The following ANO3 variants were observed in gnomAD, a reference collection of about 807,000 sequenced individuals.
ANO3 encodes anoctamin-3.
Under a neutral mutation model 144.8 loss-of-function variants are expected in ANO3, and 99 were observed. The ratio of observed to expected loss-of-function variants is 0.68; its 90% CI spans 0.58 to 0.81. The LOEUF (loss-of-function observed/expected upper bound fraction) is 0.81, where lower values mean the gene tolerates loss of function less well. Ranked by LOEUF, ANO3 falls within the 30% of genes least tolerant of loss-of-function variation. The probability of loss-of-function intolerance (pLI) is 0.00; values close to 1 mark genes in which losing one functional copy is unlikely to be tolerated. For synonymous variants in ANO3, 414 were observed against 392.6 expected (o/e 1.05, Z -0.64); for missense variants, 905 against 1,202.2 (o/e 0.75, Z 3.66).
chr11:26,328,847 G>T (rs1196351610), upstream of ANO3, among the ~76,000 whole-genome samples: 1 of 152,036 alleles, frequency 6.6e-6, no homozygotes, highest in Non-Finnish European at 1.5e-5. Context: ...GATAAAGTAT[G>T]AAAATGATAA....
At chr11:26,431,259 A>G (rs949620877) in intron 1 of ANO3, among the ~76,000 whole-genome samples, 3 of 152,226 alleles carry the variant, frequency 2.0e-5, no homozygotes, top group Non-Finnish European at 4.4e-5. Flanking sequence ...AGAACTTTGA[A>G]GCCTAAACCA....
intron 14 of ANO3, 59 bp downstream of exon 14, chr11:26,559,838 AC>A: frequency 5.0e-6 from 1 of 199,950 alleles, no homozygotes. Context: ...TCTGTGTTAC[AC>A]ACACACACAC....
At chr11:26,215,869 T>C (rs558801575) in intron 1 of ANO3, among the ~76,000 whole-genome samples, 1 of 152,104 alleles carries the variant, frequency 6.6e-6, no homozygotes, top group East Asian at 1.9e-4. Flanking sequence ...CAATCTACTA[T>C]CCAATTATTT....
intron 9 of ANO3, among the ~76,000 whole-genome samples, chr11:26,536,068 C>T (rs1849501164): frequency 6.6e-6 from 1 of 151,330 alleles, no homozygotes; most frequent in Admixed American, 6.6e-5. Context: ...GCCTGTAATC[C>T]CAGCACTTTG....
intron 17 of ANO3, among the ~76,000 whole-genome samples, chr11:26,623,738 TA>T (rs200333374): frequency 4.0e-5 from 6 of 150,884 alleles, no homozygotes; most frequent in South Asian, 2.1e-4. Context: ...TCCAGTGTTG[TA>T]AAAAAAAACA....
At chr11:26,389,827 C>G (rs1035253693) in intron 1 of ANO3, among the ~76,000 whole-genome samples, 1 of 152,014 alleles carries the variant, frequency 6.6e-6, no homozygotes. Flanking sequence ...TTCATGCATA[C>G]TCTCTAGAAT....
chr11:26,544,499 G>A (rs998165422), intron 11 of ANO3, among the ~76,000 whole-genome samples: 82 of 150,632 alleles, frequency 5.4e-4, no homozygotes, highest in African/African-American at 1.9e-3. Context: ...TTAAATAGGA[G>A]GAATAAGTTC....
chr11:26,489,089 C>G (rs1168642537), intron 4 of ANO3, among the ~76,000 whole-genome samples: 1 of 152,226 alleles, frequency 6.6e-6, no homozygotes, highest in African/African-American at 2.4e-5. Context: ...GGCTTCACCT[C>G]TCACCATCAC....
At position 26,366,443 on chromosome 11, in the gene ANO3, T is replaced by A. The variant is rs529815181; in HGVS notation, c.46+34122T>A. ...TTTGCTATTGTGAGTAGTGCTGCAATAAACATACATGTGCATGTGTCTTTA... is the reference window on the plus strand; with the variant it reads ...TTTGCTATTGTGAGTAGTGCTGCAAAAAACATACATGTGCATGTGTCTTTA... On this transcript the variant is annotated intron_variant, in intron 1 of 26. Transcript: ENST00000256737. Among the ~76,000 whole-genome samples, 3 of 152,312 alleles carry A rather than the reference T, an allele frequency of 2.0e-5. No homozygotes were observed. In the East Asian group the frequency reaches 5.8e-4, roughly 29 times the overall value.
At chr11:26,635,092 G>A (rs1038286954) in intron 20 of ANO3, 22 bp downstream of exon 20, 1 of 1,610,418 alleles carries the variant, frequency 6.2e-7, no homozygotes, top group Non-Finnish European at 8.5e-7. Flanking sequence ...TGGGAGTGTG[G>A]GTGCAGGAAT....
Position 26,516,865 on chromosome 11 carries a change from T to A in ANO3, c.630T>A (p.Ile210=). ...IASPDIMFIK[I]HIPWDTLCKY... Reference sequence around the variant, plus strand: ...GCCCCGATATCATGTTTATTAAAATTCACATTCCATGGGACACGCTGTGCA... The same window carrying A: ...GCCCCGATATCATGTTTATTAAAATACACATTCCATGGGACACGCTGTGCA... Residue 210 remains isoleucine, a synonymous_variant, in exon 6 of 27, where the codon ATT becomes ATA. Coordinates refer to ENST00000256737, the MANE Select transcript of ANO3 (RefSeq NM_031418.4). 1 of 1,611,944 alleles carries A rather than the reference T, an allele frequency of 6.2e-7. No homozygotes were observed. The highest frequency in any genetic ancestry group is 8.5e-7 in the Non-Finnish European group (1 of 1,178,464).
intron 1 of ANO3, among the ~76,000 whole-genome samples, chr11:26,249,045 C>T (rs1852864779): frequency 6.6e-6 from 1 of 152,164 alleles, no homozygotes; most frequent in Admixed American, 6.5e-5. Flanking sequence ...AGGTTGGAGA[C>T]TGTCGCTTTA....
At chr11:26,656,067 TA>T (rs1396066077) in intron 24 of ANO3, 57 bp from the exon 25 acceptor site, 6 of 1,324,698 alleles carry the variant, frequency 4.5e-6, no homozygotes, top group Admixed American at 4.0e-5. Flanking sequence ...TGTAATAAAA[TA>T]ATTAGGCTAG....
intron 21 of ANO3, among the ~76,000 whole-genome samples, chr11:26,640,512 T>C (rs1180726240): frequency 6.6e-6 from 1 of 152,208 alleles, no homozygotes; most frequent in African/African-American, 2.4e-5. Flanking sequence ...GGAAATTAGA[T>C]GTCAAGTGCC....
At chr11:26,567,099 C>G in intron 14 of ANO3, 1 of 1,474,816 alleles carries the variant, frequency 6.8e-7, no homozygotes, top group Non-Finnish European at 9.0e-7. Context: ...GCCCATTTTG[C>G]AGATGAAGAA....
chr11:26,553,649 A>G (rs1390819350), intron 13 of ANO3, among the ~76,000 whole-genome samples: 1 of 152,134 alleles, frequency 6.6e-6, no homozygotes, highest in African/African-American at 2.4e-5. Context: ...ATTGCTACTT[A>G]CTAAATGTGT....
Position 26,325,299 on chromosome 11 carries a change from C to T in ANO3, c.-3+15580C>T, listed in dbSNP as rs888328051. Among the ~76,000 whole-genome samples, 6 of 152,140 alleles carry T rather than the reference C, an allele frequency of 3.9e-5. No homozygotes were observed. The East Asian group carries it at 1.2e-3, about 29-fold the overall frequency. The stretch of plus-strand genomic sequence containing the variant: ...ATATATATCCTAGCTGAATTTTGCA[C>T]ATAGATTCCAGTGTATATTTGTTAA... On this transcript the variant is annotated intron_variant, in intron 1 of 26. Transcript: ENST00000525139.
intron 1 of ANO3, among the ~76,000 whole-genome samples, chr11:26,398,176 G>T (rs1333108234): frequency 6.6e-6 from 1 of 152,060 alleles, no homozygotes; most frequent in African/African-American, 2.4e-5. Flanking sequence ...TCCATCAAAG[G>T]AGAGTGTACC....
chr11:26,316,057 C>A (rs1475157169), intron 1 of ANO3, among the ~76,000 whole-genome samples: 5 of 152,190 alleles, frequency 3.3e-5, no homozygotes, highest in African/African-American at 1.2e-4. Flanking sequence ...CTACTACACA[C>A]AAATGAGGTA....
Sources: allele counts gnomAD v4.1 joint callset (sites outside exome capture counted in the v4.1 genomes callset), GRCh38; gene constraint gnomAD v4.1.1; transcripts MANE v1.5; gene names NCBI Gene and HGNC (gene_info 2026-07-23, HGNC 2026-07-21).